ADGRV1: variants seen among roughly 807,000 people sequenced by gnomAD.
The protein encoded by ADGRV1 is G-protein coupled receptor 98.
Under a neutral mutation model 596.2 loss-of-function variants are expected in ADGRV1, and 359 were observed. The ratio of observed to expected loss-of-function variants is 0.60; its 90% confidence interval spans 0.55 to 0.66. The LOEUF is 0.66. ADGRV1 is among the 30% of genes least tolerant of loss of function. ADGRV1 has a pLI of 0.00. For missense variants in ADGRV1, 7,274 were observed against 7,575.6 expected, an observed-to-expected ratio of 0.96 and a Z score of 1.48; for synonymous variants, 2,681 against 2,679.2, an observed-to-expected ratio of 1.00 and a Z score of -0.02.
At chr5:91,020,568 T>A (rs1003511391) in intron 85 of ADGRV1, among the ~76,000 whole-genome samples, 19 of 152,144 alleles carry the variant, frequency 1.2e-4, no homozygotes, top group African/African-American at 4.1e-4. Context: ...CTGGACTGTC[T>A]GTGTTCTTTC....
intron 83 of ADGRV1, among the ~76,000 whole-genome samples, chr5:90,902,032 G>A (rs529802219): frequency 2.4e-4 from 36 of 152,000 alleles, no homozygotes; most frequent in Non-Finnish European, 3.7e-4. Context: ...ATTAGTAGTG[G>A]GGAGACGAGG....
intron 9 of ADGRV1, 81 bp from the exon 10 acceptor site, chr5:90,635,033 G>A: frequency 3.6e-6 from 3 of 821,962 alleles, no homozygotes. Context: ...CGCTTACTTT[G>A]TCACCCCATG....
At chr5:91,045,043 A>G (rs1444948149) in intron 85 of ADGRV1, among the ~76,000 whole-genome samples, 1 of 152,170 alleles carries the variant, frequency 6.6e-6, no homozygotes, top group Admixed American at 6.6e-5. Context: ...GAAGGAGAAG[A>G]GAACATTCCA....
Position 90,755,084 on chromosome 5 carries a change from G to A in ADGRV1, c.11479G>A (p.Asp3827Asn), listed in dbSNP as rs1266660894. 4 of 1,609,560 alleles carry A rather than the reference G, an allele frequency of 2.5e-6. No individual in the cohort carries two copies. The highest frequency in any genetic ancestry group is 1.3e-5 in the African/African-American group (1 of 74,926). Residue 3827 changes from aspartate (D) to asparagine (N), a missense_variant, in exon 55 of 90, where the codon GAT (aspartate) becomes AAT (asparagine). By Grantham distance (23) the Asp-to-Asn change is conservative. Around this residue, in one of 5 missense-constraint regions of ADGRV1, gnomAD observed 3,643 missense variants for 3,809.2 expected, o/e 0.96. Transcript: ENST00000405460. ...TCAACCCAATTTCTTACTGCATGTC[G>A]ATAATCAAGCTACTGAGAATGAAGA... ...RAQPNFLLHVDNQATENEDYV... is the reference protein window; with the variant it reads ...RAQPNFLLHVNNQATENEDYV...
At chr5:90,823,112 G>A (rs895841898) in intron 75 of ADGRV1, among the ~76,000 whole-genome samples, 5 of 152,162 alleles carry the variant, frequency 3.3e-5, no homozygotes, top group African/African-American at 4.8e-5. Context: ...CTAATTGGAT[G>A]CCCTTTATTT....
rs192506050 is a variant in ADGRV1 at position 90,921,662 on chromosome 5, C to T, written c.17857-43753C>T. On this transcript the variant is annotated intron_variant, in intron 83 of 89. Coordinates refer to ENST00000405460, the MANE Select transcript of ADGRV1 (RefSeq NM_032119.4). The stretch of plus-strand genomic sequence containing the variant: ...ATTGTGAAATCCCTGGTGTTCTTTA[C>T]CCTTCATGGCTACTTAAATCACTAA... Among the ~76,000 whole-genome samples the T allele has an allele frequency of 9.4e-4, 143 of 152,168 alleles. 2 individuals carry two copies. The highest frequency in any genetic ancestry group is 4.4e-4 in the Non-Finnish European group (30 of 68,012).
intron 86 of ADGRV1, among the ~76,000 whole-genome samples, chr5:91,087,669 TAACA>T (rs1790010633): frequency 1.3e-5 from 2 of 152,210 alleles, no homozygotes; most frequent in Admixed American, 1.3e-4. Context: ...ATTTCTTGAA[TAACA>T]AACAGCAGCC....
intron 85 of ADGRV1, among the ~76,000 whole-genome samples, chr5:91,037,775 AACAG>A (rs1457320309): frequency 6.6e-6 from 1 of 152,232 alleles, no homozygotes; most frequent in East Asian, 1.9e-4. Flanking sequence ...AACAAGGCCT[AACAG>A]ACAGAGTAAA....
chr5:91,028,404 A>G (rs1784192049), intron 85 of ADGRV1, among the ~76,000 whole-genome samples: 1 of 151,948 alleles, frequency 6.6e-6, no homozygotes, highest in Non-Finnish European at 1.5e-5. Context: ...TTGCTTATTT[A>G]CTCCTGGCTA....
intron 41 of ADGRV1, among the ~76,000 whole-genome samples, chr5:90,712,040 G>A (rs563188829): frequency 6.6e-6 from 1 of 152,148 alleles, no homozygotes; most frequent in South Asian, 2.1e-4. Flanking sequence ...AGCCCGCCTC[G>A]GCCTCACATA....
chr5:90,877,410 AT>A (rs1313066938), intron 83 of ADGRV1, among the ~76,000 whole-genome samples: 1 of 152,108 alleles, frequency 6.6e-6, no homozygotes, highest in African/African-American at 2.4e-5. Flanking sequence ...GAAAATGAGA[AT>A]TTTTTGGAAA....
chr5:90,714,612 A>G (rs1196512744), intron 42 of ADGRV1, among the ~76,000 whole-genome samples: 1 of 152,032 alleles, frequency 6.6e-6, no homozygotes, highest in East Asian at 1.9e-4. Flanking sequence ...CATATCAGGA[A>G]TTTATTCATT....
intron 84 of ADGRV1, among the ~76,000 whole-genome samples, chr5:90,973,039 A>C (rs534087108): frequency 6.6e-6 from 1 of 152,346 alleles, no homozygotes; most frequent in South Asian, 2.1e-4. Context: ...GATCCCACAG[A>C]AATACAGACT....
intron 83 of ADGRV1, among the ~76,000 whole-genome samples, chr5:90,889,641 C>T (rs941449173): frequency 6.6e-6 from 1 of 151,878 alleles, no homozygotes; most frequent in African/African-American, 2.4e-5. Flanking sequence ...ATAAAAATAG[C>T]CAGATTTTTA....
intron 86 of ADGRV1, among the ~76,000 whole-genome samples, chr5:91,076,092 T>TA (rs1426566273): frequency 6.6e-6 from 1 of 152,168 alleles, no homozygotes; most frequent in Non-Finnish European, 1.5e-5. Context: ...TATTCTTTAT[T>TA]AGCTCTACAA....
intron 21 of ADGRV1, among the ~76,000 whole-genome samples, chr5:90,660,295 A>G (rs1347895850): frequency 1.3e-5 from 2 of 152,288 alleles, no homozygotes; most frequent in Non-Finnish European, 2.9e-5. Flanking sequence ...TGAATATGGA[A>G]AATATCAGCA....
chr5:90,930,225 C>T (rs1775098870), intron 83 of ADGRV1, among the ~76,000 whole-genome samples: 1 of 152,188 alleles, frequency 6.6e-6, no homozygotes, highest in African/African-American at 2.4e-5. Context: ...AGATGTTCTA[C>T]TTTCTTATTA....
At chr5:90,569,964 G>T (rs1225610880) in intron 1 of ADGRV1, among the ~76,000 whole-genome samples, 1 of 152,008 alleles carries the variant, frequency 6.6e-6, no homozygotes, top group African/African-American at 2.4e-5. Flanking sequence ...CAATCAGAGA[G>T]GCTAAAAGTA....
chr5:90,916,631 A>ATTTTTTTTTTT (rs11407284), intron 83 of ADGRV1, among the ~76,000 whole-genome samples: 5 of 124,686 alleles, frequency 4.0e-5, no homozygotes, highest in Non-Finnish European at 8.0e-5. Flanking sequence ...GCGTTCACAA[A>ATTTTTTTTTTT]TTTTTTTTTT....
Sources: allele counts gnomAD v4.1 joint callset (sites outside exome capture counted in the v4.1 genomes callset), GRCh38; gene constraint gnomAD v4.1.1; regional missense constraint gnomAD v4.1.1; transcripts MANE v1.5; gene names NCBI Gene and HGNC (gene_info 2026-07-23, HGNC 2026-07-21).